Variants in FHIT observed in about 807,000 individuals in gnomAD.
FHIT encodes the protein fragile histidine triad diadenosine triphosphatase, also known as bis(5'-adenosyl)-triphosphatase.
Under a neutral mutation model 17.9 loss-of-function variants are expected in FHIT, and 19 were observed. The observed-to-expected ratio is 1.06, with a 90% CI of 0.74 to 1.56. FHIT has a LOEUF of 1.56. Ranked by LOEUF, FHIT falls within the 40% of genes most tolerant of loss-of-function variation. The probability of loss-of-function intolerance (pLI) is 0.00; values close to 1 mark genes in which losing one functional copy is unlikely to be tolerated. For missense variants in FHIT, 248 were observed against 189.2 expected, an observed-to-expected ratio of 1.31 and a Z score of -1.82; for synonymous variants, 81 against 69.7, an observed-to-expected ratio of 1.16 and a Z score of -0.81.
At chr3:60,676,755 T>C (rs966507895) in intron 4 of FHIT, among the ~76,000 whole-genome samples, 1 of 152,230 alleles carries the variant, frequency 6.6e-6, no homozygotes, top group Non-Finnish European at 1.5e-5. Flanking sequence ...AATCCTCATC[T>C]ATAATCTTCA....
chr3:60,973,091 TG>T (rs1710090899), intron 3 of FHIT, among the ~76,000 whole-genome samples: 1 of 152,206 alleles, frequency 6.6e-6, no homozygotes, highest in African/African-American at 2.4e-5. Flanking sequence ...TCTTGTTTCC[TG>T]GCATGCCTAC....
At chr3:60,577,546 A>G (rs2037610701) in intron 4 of FHIT, among the ~76,000 whole-genome samples, 1 of 152,204 alleles carries the variant, frequency 6.6e-6, no homozygotes, top group Admixed American at 6.6e-5. Flanking sequence ...ATTTGATGGC[A>G]GAGTCCACTT....
At chr3:59,847,555 A>G (rs1249206726) in intron 8 of FHIT, among the ~76,000 whole-genome samples, 1 of 152,084 alleles carries the variant, frequency 6.6e-6, no homozygotes, top group Non-Finnish European at 1.5e-5. Context: ...TATCTGGCTA[A>G]TGGATCCATC....
chr3:60,191,966 G>C (rs924984728), intron 5 of FHIT, among the ~76,000 whole-genome samples: 4 of 152,006 alleles, frequency 2.6e-5, no homozygotes, highest in African/African-American at 9.7e-5. Flanking sequence ...AAGGTAAAAG[G>C]CTGGGTGTGG....
At chr3:60,017,670 A>G (rs1287883955) in intron 5 of FHIT, among the ~76,000 whole-genome samples, 2 of 152,106 alleles carry the variant, frequency 1.3e-5, no homozygotes, top group East Asian at 1.9e-4. Flanking sequence ...CCTCCTCTTC[A>G]TGCTCACCAC....
intron 5 of FHIT, among the ~76,000 whole-genome samples, chr3:60,433,138 G>C (rs190021784): frequency 6.6e-6 from 1 of 151,902 alleles, no homozygotes; most frequent in Non-Finnish European, 1.5e-5. Context: ...TTTTGAATTT[G>C]ACTGTTTTAG....
chr3:60,232,156 C>T (rs1366428333), intron 5 of FHIT, among the ~76,000 whole-genome samples: 1 of 152,172 alleles, frequency 6.6e-6, no homozygotes, highest in African/African-American at 2.4e-5. Flanking sequence ...TTCATGCACA[C>T]TGTCCCTGTA....
At chr3:60,636,513 G>A (rs782567021) in intron 4 of FHIT, among the ~76,000 whole-genome samples, 15 of 152,208 alleles carry the variant, frequency 9.9e-5, no homozygotes, top group Non-Finnish European at 1.9e-4. Context: ...ATGATCAAGA[G>A]GAGGAAGAAT....
At chr3:59,764,921 G>T (rs1461529808) in intron 8 of FHIT, among the ~76,000 whole-genome samples, 1 of 136,602 alleles carries the variant, frequency 7.3e-6, no homozygotes, top group Non-Finnish European at 1.6e-5. Flanking sequence ...CACACACACA[G>T]CTTTGGCACA....
chr3:59,816,047 T>C (rs1361337864), intron 8 of FHIT, among the ~76,000 whole-genome samples: 1 of 152,208 alleles, frequency 6.6e-6, no homozygotes, highest in African/African-American at 2.4e-5. Flanking sequence ...ACTTGGCATG[T>C]CTTACCTGAC....
chr3:60,447,925 C>G (rs2107356606), intron 5 of FHIT, among the ~76,000 whole-genome samples: 1 of 152,246 alleles, frequency 6.6e-6, no homozygotes, highest in Non-Finnish European at 1.5e-5. Flanking sequence ...TTCCAATATT[C>G]CTGAAAATTC....
chr3:60,368,382 T>C (rs769168465), intron 5 of FHIT, among the ~76,000 whole-genome samples: 27 of 151,994 alleles, frequency 1.8e-4, no homozygotes, highest in Non-Finnish European at 3.1e-4. Flanking sequence ...ACTTTCATGA[T>C]AAATAATGAT....
At chr3:60,063,570 C>A (rs1464900586) in intron 5 of FHIT, among the ~76,000 whole-genome samples, 1 of 152,080 alleles carries the variant, frequency 6.6e-6, no homozygotes, top group Non-Finnish European at 1.5e-5. Context: ...TTTAGAAGGC[C>A]ATTGAAAGAT....
rs926390773 is a variant in FHIT at position 60,553,401 on chromosome 3, C to A, written c.-17-16422G>T. 1.3e-5 allele frequency: 13 copies of A among 974,600 alleles called. No homozygotes were observed. The African/African-American group carries it at 2.3e-4, about 17-fold the overall frequency. The allele number at this position is 974,600 out of a possible 1,614,324, so 60.4% of individuals were successfully genotyped here. A position where few individuals can be genotyped will look rare whatever the true frequency, so the allele number is the denominator to read the frequency against. On this transcript the variant is annotated intron_variant, in intron 4 of 9. Coordinates refer to ENST00000492590, the MANE Select transcript of FHIT (RefSeq NM_002012.4). ...AACCCCCTTCTTCCACTGATTGATC[C>A]GACGGAGACCTTTTATGCAAAAAGA...
intron 8 of FHIT, among the ~76,000 whole-genome samples, chr3:59,810,621 C>T (rs192506114): frequency 1.3e-5 from 2 of 152,290 alleles, no homozygotes; most frequent in Admixed American, 6.5e-5. Context: ...TTCTGATATA[C>T]ACAGATGTGT....
At chr3:60,564,388 G>T (rs991308533) in intron 4 of FHIT, among the ~76,000 whole-genome samples, 3 of 152,124 alleles carry the variant, frequency 2.0e-5, no homozygotes, top group Non-Finnish European at 4.4e-5. Flanking sequence ...TATCTATTCT[G>T]CAGCCCACAG....
intron 5 of FHIT, among the ~76,000 whole-genome samples, chr3:60,493,705 G>C (rs1316678784): frequency 6.6e-6 from 1 of 152,072 alleles, no homozygotes; most frequent in Non-Finnish European, 1.5e-5. Context: ...ATTGCAAATT[G>C]AAACAATGTT....
At chr3:60,251,099 C>T (rs78240856) in intron 5 of FHIT, among the ~76,000 whole-genome samples, 1 of 152,260 alleles carries the variant, frequency 6.6e-6, no homozygotes, top group African/African-American at 2.4e-5. Flanking sequence ...GAAGACATAC[C>T]TTTTGAGCTT....
rs536381545 is a variant in FHIT at position 60,005,534 on chromosome 3, C to G, written c.279+5837G>C. Among the ~76,000 whole-genome samples, 180 of 152,306 alleles carry G rather than the reference C, an allele frequency of 1.2e-3. 6 individuals carry two copies. Among genetic ancestry groups the G allele is most frequent in the Admixed American group, 7.9e-4 (12 of 15,286 alleles). ...CCTCAACACTTCTCTAAGGCGTCCA[C>G]TCCCACATGTACACCCAAACCCATC... On this transcript the variant is annotated intron_variant, in intron 7 of 9. Transcript: ENST00000492590.
Sources: gnomAD v4.1 joint callset for allele counts (sites outside exome capture counted in the v4.1 genomes callset) on GRCh38, gnomAD v4.1.1 for gene constraint, MANE v1.5 for transcripts, NCBI Gene and HGNC (gene_info 2026-07-23, HGNC 2026-07-21) for gene names.